Variants in CLASP1 observed in about 807,000 individuals in gnomAD.
CLASP1 encodes the protein cytoplasmic linker associated protein 1, also known as CLIP-associating protein 1.
Under a neutral mutation model 192.3 loss-of-function variants are expected in CLASP1, and 38 were observed. The observed-to-expected ratio is 0.20, with a 90% confidence interval of 0.15 to 0.26. The LOEUF is 0.26. Among genes scored for constraint, CLASP1 ranks in the 10% least tolerant of loss-of-function variants. The pLI is 1.00. For synonymous variants in CLASP1, 691 were observed against 712.8 expected, an observed-to-expected ratio of 0.97 and a Z score of 0.49; for missense variants, 1,433 against 1,932.5, an observed-to-expected ratio of 0.74 and a Z score of 4.85.
intron 7 of CLASP1, among the ~76,000 whole-genome samples, chr2:121,508,506 G>C (rs932535061): frequency 3.3e-5 from 5 of 152,104 alleles, no homozygotes; most frequent in African/African-American, 1.2e-4. Context: ...ATTCTACCTT[G>C]CCAGTACTAC....
At chr2:121,498,713 CAATA>C (rs1026197740) in intron 8 of CLASP1, among the ~76,000 whole-genome samples, 4 of 152,100 alleles carry the variant, frequency 2.6e-5, no homozygotes, top group Admixed American at 1.3e-4. Context: ...TAAAACTCAA[CAATA>C]AATAGGCAAT....
chr2:121,480,410 C>G (rs1488260254), intron 8 of CLASP1, among the ~76,000 whole-genome samples: 3 of 152,124 alleles, frequency 2.0e-5, no homozygotes, highest in Non-Finnish European at 4.4e-5. Flanking sequence ...TGGAAAATGC[C>G]CTGGCTGCTG....
intron 38 of CLASP1, among the ~76,000 whole-genome samples, chr2:121,347,860 G>A (rs2063653674): frequency 1.3e-5 from 2 of 152,266 alleles, no homozygotes; most frequent in Admixed American, 1.3e-4. Context: ...TAAATGTGAT[G>A]CTAACTCCTC....
intron 1 of CLASP1, among the ~76,000 whole-genome samples, chr2:121,628,206 T>C (rs372971955): frequency 1.3e-5 from 2 of 152,208 alleles, no homozygotes; most frequent in African/African-American, 4.8e-5. Flanking sequence ...CTTAACAATG[T>C]TAGTATAAAC....
At chr2:121,480,022 T>C (rs564227713) in intron 8 of CLASP1, among the ~76,000 whole-genome samples, 1 of 152,292 alleles carries the variant, frequency 6.6e-6, no homozygotes. Flanking sequence ...TGCAATCACG[T>C]TCCATTCCTT....
At chr2:121,549,866 C>T (rs376092222) in intron 2 of CLASP1, among the ~76,000 whole-genome samples, 9 of 151,738 alleles carry the variant, frequency 5.9e-5, no homozygotes, top group Non-Finnish European at 1.2e-4. Flanking sequence ...ATTAGCCAGG[C>T]GTGGTGGCGG....
intron 1 of CLASP1, among the ~76,000 whole-genome samples, chr2:121,638,909 T>G (rs894824218): frequency 3.9e-5 from 6 of 152,104 alleles, no homozygotes; most frequent in Non-Finnish European, 7.4e-5. Context: ...CCTCAGGTGA[T>G]CCACCCGCCT....
intron 2 of CLASP1, among the ~76,000 whole-genome samples, chr2:121,580,383 A>C (rs2060994154): frequency 6.6e-6 from 1 of 152,232 alleles, no homozygotes; most frequent in Non-Finnish European, 1.5e-5. Flanking sequence ...TCTTTATAAA[A>C]TAATGTATGC....
chr2:121,569,262 T>C (rs1447711200), intron 2 of CLASP1, among the ~76,000 whole-genome samples: 5 of 152,112 alleles, frequency 3.3e-5, no homozygotes, highest in Admixed American at 3.3e-4. Flanking sequence ...TTCTAAACAG[T>C]GAGTTTAAGC....
intron 32 of CLASP1, among the ~76,000 whole-genome samples, chr2:121,384,130 ATATG>A (rs1186474934): frequency 7.2e-6 from 1 of 139,100 alleles, no homozygotes; most frequent in Non-Finnish European, 1.6e-5. Context: ...ACACACATAT[ATATG>A]TATATATATA....
chr2:121,416,245 A>G (rs960956555), intron 23 of CLASP1, among the ~76,000 whole-genome samples: 4 of 152,316 alleles, frequency 2.6e-5, no homozygotes, highest in Admixed American at 6.5e-5. Context: ...TCCAAGGTAG[A>G]CCCACTTATG....
At chr2:121,431,220 A>G (rs962724424) in intron 19 of CLASP1, among the ~76,000 whole-genome samples, 1 of 152,172 alleles carries the variant, frequency 6.6e-6, no homozygotes, top group African/African-American at 2.4e-5. Context: ...AGCTGGCATT[A>G]AAAAAATAAT....
Position 121,367,797 on chromosome 2 carries a change from G to T in CLASP1, c.3677C>A (p.Thr1226Asn), listed in dbSNP as rs144957722. ...TACTTCACTACCCCCCCGGCCCTCA[G>T]TGGCAGGGGAGGCAGCGCCCCCATC... Residue 1226 changes from threonine to asparagine, a missense_variant, in exon 35 of 40, where the codon ACT becomes AAT. Around this residue, in one of 8 missense-constraint regions of CLASP1, gnomAD observed 336 missense variants for 358.0 expected, o/e 0.94. Coordinates refer to ENST00000263710, the Ensembl canonical transcript of CLASP1. The T allele has an allele frequency of 3.7e-3, 5,984 of 1,613,780 alleles. 267 individuals are homozygous for T. In the Admixed American group the frequency reaches 0.084, roughly 23 times the overall value.
chr2:121,528,748 C>T, exon 4 of CLASP1: 1 of 1,614,022 alleles, frequency 6.2e-7, no homozygotes, highest in Non-Finnish European at 8.5e-7. Flanking sequence ...GAGTCTTTAG[C>T]ATCTCCTAGT....
chr2:121,459,224 C>T (rs1319421714), intron 12 of CLASP1, among the ~76,000 whole-genome samples: 1 of 151,802 alleles, frequency 6.6e-6, no homozygotes, highest in East Asian at 1.9e-4. Flanking sequence ...GGCAGGATCT[C>T]ACTACCTTGC....
chr2:121,440,126 G>A (rs2083061551), intron 19 of CLASP1, among the ~76,000 whole-genome samples: 1 of 151,378 alleles, frequency 6.6e-6, no homozygotes, highest in Non-Finnish European at 1.5e-5. Flanking sequence ...AAGCCCTCGG[G>A]GACAGCCTTA....
At chr2:121,632,726 G>A (rs755805034) in intron 1 of CLASP1, among the ~76,000 whole-genome samples, 5 of 151,918 alleles carry the variant, frequency 3.3e-5, no homozygotes, top group Admixed American at 6.6e-5. Flanking sequence ...CAGAAACCTC[G>A]TCTCTACTAA....
chr2:121,512,029 T>C lies in CLASP1; in HGVS notation c.644+3636A>G, dbSNP rs538617681. Reference sequence around the variant, plus strand: ...TGATGAATGTTTATAAATTTTAAAATAGATAGCAAACGAGTAAATATTATG... The same window carrying C: ...TGATGAATGTTTATAAATTTTAAAACAGATAGCAAACGAGTAAATATTATG... On this transcript the variant is annotated intron_variant, in intron 7 of 39. Coordinates refer to ENST00000263710, the Ensembl canonical transcript of CLASP1. Among the ~76,000 whole-genome samples the C allele has an allele frequency of 3.8e-4, 58 of 152,328 alleles. No homozygotes were observed. In the South Asian group the frequency reaches 8.1e-3, roughly 21 times the overall value.
chr2:121,517,314 T>C (rs1475685756), intron 6 of CLASP1, among the ~76,000 whole-genome samples: 1 of 152,096 alleles, frequency 6.6e-6, no homozygotes, highest in Non-Finnish European at 1.5e-5. Flanking sequence ...TAGTGGAGAA[T>C]GAAGAGAAAA....
Sources: gnomAD v4.1 joint callset for allele counts (sites outside exome capture counted in the v4.1 genomes callset) on GRCh38, gnomAD v4.1.1 for gene constraint, gnomAD v4.1.1 regional missense constraint, MANE v1.5 for transcripts, NCBI Gene and HGNC (gene_info 2026-07-23, HGNC 2026-07-21) for gene names.